Variants in GYS1 observed in about 807,000 individuals in gnomAD.
GYS1 encodes glycogen [starch] synthase, muscle.
Under a neutral mutation model 89.1 loss-of-function variants are expected in GYS1, and 60 were observed. The observed-to-expected ratio is 0.67, with a 90% CI of 0.55 to 0.84. The LOEUF (loss-of-function observed/expected upper bound fraction) is 0.84. Ranked by LOEUF, GYS1 falls within the 40% of genes least tolerant of loss-of-function variation. The pLI is 0.00. For synonymous variants in GYS1, 366 were observed against 401.7 expected, an observed-to-expected ratio of 0.91 and a Z score of 1.06; for missense variants, 888 against 1,003.1, an observed-to-expected ratio of 0.89 and a Z score of 1.55.
chr19:48,970,714 G>C lies in GYS1; in HGVS notation c.1646-5C>G, dbSNP rs1600130436. ...GCCGGTCAAGAATGTAGATACCTGTGGAGGCCAGGACCCAGGTTCAGAAAA... is the reference window on the plus strand; with the variant it reads ...GCCGGTCAAGAATGTAGATACCTGTCGAGGCCAGGACCCAGGTTCAGAAAA... On this transcript the variant is annotated splice_polypyrimidine_tract_variant and splice_region_variant and intron_variant, in intron 13 of 15. Transcript: ENST00000323798. 3.7e-6 allele frequency: 6 copies of C among 1,613,598 alleles called. No homozygotes were observed. In the East Asian group the frequency reaches 1.3e-4, roughly 36 times the overall value.
Position 48,993,285 on chromosome 19 carries a change from G to A in GYS1, c.-173C>T, listed in dbSNP as rs751545664. On this transcript the variant is annotated 5_prime_UTR_variant, in exon 1 of 16. Coordinates refer to ENST00000323798, the MANE Select transcript of GYS1 (RefSeq NM_002103.5). ...CCCTGCCCCGAAGCGTTGGGACCTAGGCAGAAGGAGGCCGCAGCGTCACTG... is the reference window on the plus strand; with the variant it reads ...CCCTGCCCCGAAGCGTTGGGACCTAAGCAGAAGGAGGCCGCAGCGTCACTG... 4 of 690,434 alleles carry A rather than the reference G, an allele frequency of 5.8e-6. No homozygotes were observed. Among genetic ancestry groups the A allele is most frequent in the African/African-American group, 5.2e-5 (3 of 57,410 alleles). 42.8% of individuals were successfully genotyped at this position (690,434 alleles called of 1,614,324 possible).
intron 3 of GYS1, among the ~76,000 whole-genome samples, chr19:48,986,466 C>T (rs1290727371): frequency 6.6e-6 from 1 of 151,982 alleles, no homozygotes; most frequent in Non-Finnish European, 1.5e-5. Context: ...ATTATTTGTC[C>T]CAGGGCATGA....
rs1230552431 is a variant in GYS1, at chr19:48,992,991, T to C, written c.118+4A>G. The C allele has an allele frequency of 6.4e-7, 1 of 1,556,834 alleles. No homozygotes were observed. Among genetic ancestry groups the C allele is most frequent in the Admixed American group, 1.7e-5 (1 of 59,946 alleles). ...TCAAGGGCCCCGACGCCTGGCGTGC[T>C]CACCCTTGTTAGCCACCTCCCAGGC... On this transcript the variant is annotated splice_donor_region_variant and intron_variant, in intron 1 of 15. Transcript: ENST00000323798.
At chr19:48,988,788 A>T (rs1400542074) in intron 2 of GYS1, among the ~76,000 whole-genome samples, 1 of 149,366 alleles carries the variant, frequency 6.7e-6, no homozygotes, top group Non-Finnish European at 1.5e-5. Context: ...GCTAATTTTT[A>T]ACTTTTTTGT....
Position 48,987,383 on chromosome 19 carries a change from C to T in GYS1, c.303G>A (p.Val101=), listed in dbSNP as rs1391443496. 11 of 1,596,644 alleles carry T rather than the reference C, an allele frequency of 6.9e-6. No homozygotes were observed. Among genetic ancestry groups the T allele is most frequent in the African/African-American group, 6.7e-5 (5 of 74,752 alleles). Residue 101 remains valine (V), a splice_region_variant and synonymous_variant, in exon 3 of 16, where the codon GTG becomes GTA. Coordinates refer to ENST00000323798, the MANE Select transcript of GYS1 (RefSeq NM_002103.5). The part of the protein sequence containing the change: ...LDSMNSKGCK[V]YFGRWLIEGG... ...CCTCGATCAGCCAGCGCCCGAAATA[C>T]ACCTGGGATGGGGTTGGGGAGGCAC...
In GYS1 at chr19:48,974,715, CAG is replaced by C. The variant is rs1491275132; in HGVS notation, c.1325_1326del (p.Pro442ArgfsTer9). 8 of 1,613,226 alleles carry C rather than the reference CAG, an allele frequency of 5.0e-6. No individual in the cohort carries two copies. Among genetic ancestry groups the C allele is most frequent in the East Asian group, 2.2e-5 (1 of 44,882 alleles). On this transcript the variant is annotated frameshift_variant, in exon 11 of 16. Transcript: ENST00000323798. LOFTEE classifies it high-confidence loss of function. ...TCATCCAGCATATTGTGGGTGCACACAGGGGGGAAAGACTGCCGCTGCAGGAG... is the reference window on the plus strand; with the variant it reads ...TCATCCAGCATATTGTGGGTGCACACGGGGGAAAGACTGCCGCTGCAGGAG... ...IFATQRQSFP[P>X]VCTHNMLDDS...
chr19:48,991,578 C>G lies in GYS1; in HGVS notation c.119-95G>C. On this transcript the variant is annotated intron_variant, in intron 1 of 15. Coordinates refer to ENST00000323798, the MANE Select transcript of GYS1 (RefSeq NM_002103.5). The surrounding 1 kb of genome is among the most constrained non-coding windows in gnomAD (Gnocchi z 4.7). ...GCCGGGGATGTAGGGGGCACTCAGG[C>G]CCCAGACCTCTAGCTCAGGGGGAAG... 1 of 1,326,864 alleles carries G rather than the reference C, an allele frequency of 7.5e-7. No individual in the cohort carries two copies. Among genetic ancestry groups the G allele is most frequent in the East Asian group, 2.3e-5 (1 of 43,408 alleles). The allele number at this position is 1,326,864 out of a possible 1,614,324, so 82.2% of individuals were successfully genotyped here. A position where few individuals can be genotyped will look rare whatever the true frequency, so the allele number is the denominator to read the frequency against.
rs145856974 is a variant in GYS1 at position 48,974,476 on chromosome 19, G to C, written c.1423-137C>G. On this transcript the variant is annotated intron_variant, in intron 11 of 15. Transcript: ENST00000323798. ...TTGGCAGGACCAATGTTCAAACCCAGGTCTGCCTGCCTCAGAAGCCAGGGT... is the reference window on the plus strand; with the variant it reads ...TTGGCAGGACCAATGTTCAAACCCACGTCTGCCTGCCTCAGAAGCCAGGGT... The C allele has an allele frequency of 1.1e-3, 1,200 of 1,125,738 alleles. 9 individuals are homozygous for C. The African/African-American group carries it at 0.016, about 15-fold the overall frequency. 69.7% of individuals were successfully genotyped at this position (1,125,738 alleles called of 1,614,324 possible). A position where few individuals can be genotyped will look rare whatever the true frequency, so the allele number is the denominator to read the frequency against.
intron 1 of GYS1, 121 bp downstream of exon 1, chr19:48,992,874 A>G: frequency 1.4e-6 from 1 of 726,862 alleles, no homozygotes; most frequent in Non-Finnish European, 2.5e-6. Flanking sequence ...TCAAGGACAC[A>G]GCCTCCTTGC....
chr19:48,986,088 C>T (rs915908343), intron 3 of GYS1, 53 bp from the exon 4 acceptor site: 41 of 1,546,942 alleles, frequency 2.7e-5, no homozygotes, highest in Non-Finnish European at 2.8e-5. Flanking sequence ...GGAAAAGAAT[C>T]GGCAATCCCC....
intron 12 of GYS1, among the ~76,000 whole-genome samples, chr19:48,971,561 T>C (rs2038566240): frequency 1.3e-5 from 2 of 152,090 alleles, no homozygotes; most frequent in African/African-American, 4.8e-5. Context: ...TATGCTTTTT[T>C]TTTTTTCTTT....
Position 48,987,299 on chromosome 19 carries a change from C to G in GYS1, c.387G>C (p.Trp129Cys), listed in dbSNP as rs1387505028. The G allele has an allele frequency of 6.8e-6, 11 of 1,612,614 alleles. No homozygotes were observed. The highest frequency in any genetic ancestry group is 8.5e-6 in the Non-Finnish European group (10 of 1,179,436). The change falls in exon 3 of 16, where the codon TGG (tryptophan) becomes TGC (cysteine). Residue 129 changes from tryptophan (W) to cysteine (C), a missense_variant. Coordinates refer to ENST00000323798, the MANE Select transcript of GYS1 (RefSeq NM_002103.5). The part of the protein sequence containing the change: ...VGASAWALER[W>C]KGELWDTCNI... ...TGCAGGTATCCCAGAGCTCTCCCTT[C>G]CAGCGCTCCAGGGCCCAAGCTGAGG...
chr19:48,970,207 C>G (rs1222266196), intron 14 of GYS1: 1 of 454,092 alleles, frequency 2.2e-6, no homozygotes, highest in East Asian at 4.3e-5. Context: ...TCACTGCAGC[C>G]TCAACCTCCG....
At chr19:48,984,859 C>T (rs972521229) in intron 5 of GYS1, among the ~76,000 whole-genome samples, 15 of 151,454 alleles carry the variant, frequency 9.9e-5, no homozygotes, top group Non-Finnish European at 1.3e-4. Context: ...CCAGCCTGGG[C>T]GACAGAGCGA....
chr19:48,978,376 C>T lies in GYS1; in HGVS notation c.1170-219G>A, dbSNP rs28648585. ...GAGTAGCTGGGATTACAGGCATGAG[C>T]CACCGCGCCCGGCTAATTTTCTATT... On this transcript the variant is annotated intron_variant, in intron 8 of 15. Coordinates refer to ENST00000323798, the MANE Select transcript of GYS1 (RefSeq NM_002103.5). 0.032 allele frequency: 17,595 copies of T among 547,492 alleles called. 1,131 individuals carry two copies. The highest frequency in any genetic ancestry group is 0.2 in the African/African-American group (10,440 of 52,386). 33.9% of individuals were successfully genotyped at this position (547,492 alleles called of 1,614,324 possible).
chr19:48,982,479 CT>C, intron 6 of GYS1, 104 bp from the exon 7 acceptor site: 1 of 1,367,360 alleles, frequency 7.3e-7, no homozygotes, highest in Non-Finnish European at 1.0e-6. Context: ...CAGAGGATGT[CT>C]TAGGTAATAC....
Position 48,985,853 on chromosome 19 carries a change from C to T in GYS1, c.675G>A (p.Glu225=). 6.2e-7 allele frequency: 1 copy of T among 1,613,288 alleles called. No homozygotes were observed. The highest frequency in any genetic ancestry group is 1.3e-5 in the African/African-American group (1 of 75,020). Residue 225 remains glutamate (E), a synonymous_variant, in exon 4 of 16, where the codon GAG becomes GAA. Transcript: ENST00000323798. ...AGAVDFYNNL[E]NFNVDKEAGE... ...ATCTGCCACGGTCCCAGCTCACGTT[C>T]TCCAGGTTGTTGTAGAAGTCCACGG...
At chr19:48,981,045 A>G (rs10423011) in intron 8 of GYS1, among the ~76,000 whole-genome samples, 66,600 of 150,666 alleles carry the variant, frequency 0.44, 15,080 homozygotes, top group African/African-American at 0.57. Context: ...CCCAGGAGGC[A>G]GAGGTTGCAG....
At chr19:48,977,837 C>T in intron 10 of GYS1, 87 bp downstream of exon 10, 1 of 963,942 alleles carries the variant, frequency 1.0e-6, no homozygotes, top group Non-Finnish European at 1.7e-6. Context: ...GGACTCCCAG[C>T]AATCTCTGGG....
Sources: gnomAD v4.1 joint callset for allele counts (sites outside exome capture counted in the v4.1 genomes callset) on GRCh38, gnomAD v4.1.1 for gene constraint, Gnocchi (gnomAD v3.1) non-coding constraint, MANE v1.5 for transcripts, NCBI Gene and HGNC (gene_info 2026-07-23, HGNC 2026-07-21) for gene names.